CIMIP2A: variants seen among roughly 807,000 people sequenced by gnomAD.
CIMIP2A encodes the protein ciliary microtubule inner protein 2A.
the CIMIP2A span, chr9:137,250,278 G>A: frequency 6.6e-6 from 1 of 152,282 alleles, no homozygotes; most frequent in Non-Finnish European, 1.5e-5. Context: ...AGGACCTGGA[G>A]GAGCCTATCT....
At chr9:137,244,424 C>A in the CIMIP2A span, 1 of 1,535,958 alleles carries the variant, frequency 6.5e-7, no homozygotes, top group East Asian at 2.3e-5. Flanking sequence ...TCTGCATCCC[C>A]CTACCCCCGA....
the CIMIP2A span, chr9:137,253,436 C>G: frequency 2.8e-6 from 4 of 1,441,300 alleles, no homozygotes; most frequent in Non-Finnish European, 3.6e-6. Flanking sequence ...CCTGGATCCC[C>G]CATCTGCCCA....
At chr9:137,244,596 AGTGT>A in the CIMIP2A span, 1 of 1,605,308 alleles carries the variant, frequency 6.2e-7, no homozygotes, top group Non-Finnish European at 8.5e-7. Flanking sequence ...CAGGAGAGGA[AGTGT>A]GTGTGTGAGC....
chr9:137,246,067 A>G, the CIMIP2A span, among the ~76,000 whole-genome samples: 6 of 152,300 alleles, frequency 3.9e-5, no homozygotes, highest in East Asian at 9.7e-4. Flanking sequence ...CACACACCAC[A>G]TGCTGGGAAC....
At chr9:137,245,633 G>A in the CIMIP2A span, 1 of 1,610,022 alleles carries the variant, frequency 6.2e-7, no homozygotes, top group African/African-American at 1.3e-5. Context: ...GGGACTGGCA[G>A]CTCACTGGTG....
chr9:137,248,654 A>C, the CIMIP2A span, among the ~76,000 whole-genome samples: 1 of 152,052 alleles, frequency 6.6e-6, no homozygotes. Context: ...AGATTGCTTG[A>C]GCCTAGGAGT....
the CIMIP2A span, chr9:137,244,797 C>T: frequency 6.3e-7 from 1 of 1,588,948 alleles, no homozygotes; most frequent in Non-Finnish European, 8.6e-7. Context: ...TGGGCACACC[C>T]ACCTGCCCTC....
chr9:137,243,851 AC>A, the CIMIP2A span: 1 of 1,560,294 alleles, frequency 6.4e-7, no homozygotes, highest in Non-Finnish European at 8.8e-7. Context: ...TGGGCTGGAC[AC>A]CCAGGCTTCA....
the CIMIP2A span, chr9:137,243,617 G>T: frequency 6.2e-7 from 1 of 1,612,712 alleles, no homozygotes; most frequent in Non-Finnish European, 8.5e-7. Context: ...CTCCCAGCCT[G>T]TCCTGTGGCC....
the CIMIP2A span, chr9:137,251,245 G>A: frequency 7.5e-7 from 1 of 1,327,002 alleles, no homozygotes; most frequent in South Asian, 1.2e-5. Flanking sequence ...TGAGGTCACA[G>A]AGCTCCGTGG....
At chr9:137,244,126 A>C in the CIMIP2A span, 3 of 1,577,900 alleles carry the variant, frequency 1.9e-6, no homozygotes, top group African/African-American at 4.1e-5. Context: ...GTCCCTCCCC[A>C]CATTGGCCGG....
the CIMIP2A span, chr9:137,245,620 C>T: frequency 1.9e-6 from 3 of 1,611,144 alleles, no homozygotes; most frequent in South Asian, 3.3e-5. Context: ...GGGTGCAGGG[C>T]TGGGGACTGG....
At chr9:137,243,902 G>C in the CIMIP2A span, 4 of 1,209,838 alleles carry the variant, frequency 3.3e-6, no homozygotes, top group East Asian at 7.0e-5. Flanking sequence ...GTATCTGCTT[G>C]GTGGGGAACT....
the CIMIP2A span, chr9:137,253,257 C>G: frequency 6.2e-7 from 1 of 1,601,028 alleles, no homozygotes; most frequent in Non-Finnish European, 8.5e-7. Context: ...GCCAGCTGGG[C>G]ACAACCTGCT....
chr9:137,252,739 T>C, the CIMIP2A span: 3 of 1,557,330 alleles, frequency 1.9e-6, no homozygotes, highest in Admixed American at 3.9e-5. Context: ...GCCACTCCGC[T>C]TCCAAGACAC....
At chr9:137,245,599 C>A in the CIMIP2A span, 2 of 1,613,348 alleles carry the variant, frequency 1.2e-6, no homozygotes, top group Non-Finnish European at 1.7e-6. Flanking sequence ...GACAGGCAGG[C>A]GGGCACAGGA....
chr9:137,244,357 T>C, the CIMIP2A span: 2 of 1,605,622 alleles, frequency 1.2e-6, no homozygotes, highest in South Asian at 1.1e-5. Flanking sequence ...GTTGTCCCAG[T>C]GGGGGCCTGG....
At chr9:137,251,677 G>A in the CIMIP2A span, 1 of 1,527,560 alleles carries the variant, frequency 6.5e-7, no homozygotes, top group East Asian at 2.4e-5. Context: ...GGGACAGGCT[G>A]TGGGGCATGT....
chr9:137,254,475 G>A, the CIMIP2A span, among the ~76,000 whole-genome samples: 1 of 152,246 alleles, frequency 6.6e-6, no homozygotes, highest in Non-Finnish European at 1.5e-5. Context: ...CGGCAGGAAA[G>A]ATGGAGCGAT....
Sources: gnomAD v4.1 joint callset for allele counts (sites outside exome capture counted in the v4.1 genomes callset) on GRCh38, gnomAD v4.1.1 for gene constraint, MANE v1.5 for transcripts, NCBI Gene and HGNC (gene_info 2026-07-23, HGNC 2026-07-21) for gene names.